CCDC192: variants seen among roughly 807,000 people sequenced by gnomAD.
The protein encoded by CCDC192 is coiled-coil domain-containing protein 192.
At chr5:127,708,919 C>A (rs1751124805) in intron 2 of CCDC192, among the ~76,000 whole-genome samples, 2 of 151,932 alleles carry the variant, frequency 1.3e-5, no homozygotes, top group African/African-American at 4.8e-5. Flanking sequence ...TTCGTTCTCG[C>A]ACCACTATAA....
At chr5:127,761,881 A>G (rs1190975314) in intron 3 of CCDC192, among the ~76,000 whole-genome samples, 3 of 152,190 alleles carry the variant, frequency 2.0e-5, no homozygotes, top group Non-Finnish European at 4.4e-5. Flanking sequence ...TTTATGCCTA[A>G]GGCCCTAACA....
At chr5:127,729,772 T>C (rs1752533007) in intron 2 of CCDC192, among the ~76,000 whole-genome samples, 1 of 152,078 alleles carries the variant, frequency 6.6e-6, no homozygotes, top group Non-Finnish European at 1.5e-5. Context: ...GAATGACTCC[T>C]GGGTAAATAA....
At chr5:127,776,377 G>A (rs1179408997) in intron 3 of CCDC192, among the ~76,000 whole-genome samples, 2 of 152,202 alleles carry the variant, frequency 1.3e-5, no homozygotes, top group Non-Finnish European at 2.9e-5. Flanking sequence ...GTATCTAGCA[G>A]AAGAAATTTC....
intron 5 of CCDC192, among the ~76,000 whole-genome samples, chr5:127,859,350 G>A (rs980165917): frequency 6.6e-6 from 1 of 152,104 alleles, no homozygotes; most frequent in East Asian, 1.9e-4. Context: ...GTCAGACACA[G>A]GAATCTGTAT....
intron 5 of CCDC192, among the ~76,000 whole-genome samples, chr5:127,863,820 G>A (rs1751477452): frequency 6.6e-6 from 1 of 152,164 alleles, no homozygotes; most frequent in Admixed American, 6.5e-5. Flanking sequence ...CTATAAAACG[G>A]AAATTAGAGC....
At chr5:127,754,914 C>T (rs1754489792) in intron 3 of CCDC192, among the ~76,000 whole-genome samples, 2 of 152,162 alleles carry the variant, frequency 1.3e-5, no homozygotes, top group Admixed American at 6.5e-5. Context: ...GGCCTGGACA[C>T]GTTATAGGTG....
At chr5:127,835,611 C>T (rs1413859746) in intron 5 of CCDC192, among the ~76,000 whole-genome samples, 2 of 152,200 alleles carry the variant, frequency 1.3e-5, no homozygotes, top group African/African-American at 2.4e-5. Flanking sequence ...ACTCACAGTT[C>T]TGCATGGCTG....
intron 2 of CCDC192, among the ~76,000 whole-genome samples, chr5:127,724,847 C>CA (rs71223028): frequency 0.62 from 74,230 of 120,676 alleles, 22,233 homozygotes; most frequent in Non-Finnish European, 0.7. Flanking sequence ...GACTCCGTCT[C>CA]AAAAAAAAAA....
chr5:127,829,545 A>G (rs1398820603), intron 5 of CCDC192, among the ~76,000 whole-genome samples: 7 of 152,334 alleles, frequency 4.6e-5, no homozygotes, highest in South Asian at 4.1e-4. Context: ...AGAAATTGCT[A>G]TAGGAGGAGC....
chr5:127,918,787 G>T (rs1359422286), intron 6 of CCDC192, among the ~76,000 whole-genome samples: 1 of 151,990 alleles, frequency 6.6e-6, no homozygotes, highest in Non-Finnish European at 1.5e-5. Flanking sequence ...TTATACGTTT[G>T]TCTGTATATA....
intron 5 of CCDC192, among the ~76,000 whole-genome samples, chr5:127,824,976 C>T (rs1004175695): frequency 6.6e-6 from 1 of 152,288 alleles, no homozygotes; most frequent in African/African-American, 2.4e-5. Flanking sequence ...TTCAAGCACA[C>T]AAACTTCATC....
intron 2 of CCDC192, among the ~76,000 whole-genome samples, chr5:127,729,686 C>T (rs894312305): frequency 6.6e-6 from 1 of 152,160 alleles, no homozygotes; most frequent in Non-Finnish European, 1.5e-5. Context: ...GACCACAGCA[C>T]AATCAAATTA....
At chr5:127,930,544 G>A (rs1176464825) in intron 6 of CCDC192, among the ~76,000 whole-genome samples, 1 of 152,220 alleles carries the variant, frequency 6.6e-6, no homozygotes, top group Non-Finnish European at 1.5e-5. Flanking sequence ...ATAGGAGGAA[G>A]TAAGAGAGAT....
At chr5:127,726,128 A>G (rs1425445517) in intron 2 of CCDC192, among the ~76,000 whole-genome samples, 18 of 152,122 alleles carry the variant, frequency 1.2e-4, no homozygotes, top group Admixed American at 1.2e-3. Flanking sequence ...GGCTCAATGG[A>G]CTTGTGTGAT....
intron 3 of CCDC192, among the ~76,000 whole-genome samples, chr5:127,755,170 A>T (rs967602622): frequency 6.6e-6 from 1 of 152,156 alleles, no homozygotes; most frequent in African/African-American, 2.4e-5. Context: ...CTGCAATGTT[A>T]GAAATGTTTA....
intron 5 of CCDC192, among the ~76,000 whole-genome samples, chr5:127,807,908 A>G (rs1288641318): frequency 2.0e-5 from 3 of 152,102 alleles, no homozygotes; most frequent in Non-Finnish European, 4.4e-5. Flanking sequence ...GGTGCCCTAG[A>G]GCTACTTTAT....
intron 2 of CCDC192, among the ~76,000 whole-genome samples, chr5:127,730,601 T>C (rs930860907): frequency 2.6e-5 from 4 of 152,138 alleles, no homozygotes; most frequent in African/African-American, 4.8e-5. Flanking sequence ...CTAATGAACA[T>C]TGATGCAAAA....
At chr5:127,756,912 C>T (rs1172370636) in intron 3 of CCDC192, among the ~76,000 whole-genome samples, 1 of 152,188 alleles carries the variant, frequency 6.6e-6, no homozygotes, top group East Asian at 1.9e-4. Context: ...TTATAATTTA[C>T]AAAGGTGGTT....
At chr5:127,766,343 G>GA (rs1281130531) in intron 3 of CCDC192, among the ~76,000 whole-genome samples, 2 of 150,850 alleles carry the variant, frequency 1.3e-5, no homozygotes, top group Non-Finnish European at 1.5e-5. Context: ...GCAAATATAG[G>GA]AAAAAAAAGT....
Sources: allele counts gnomAD v4.1 joint callset (sites outside exome capture counted in the v4.1 genomes callset), GRCh38; gene constraint gnomAD v4.1.1; transcripts MANE v1.5; gene names NCBI Gene and HGNC (gene_info 2026-07-23, HGNC 2026-07-21).